The following MINDY4 variants were observed in gnomAD, a reference collection of about 807,000 sequenced individuals.
MINDY4 encodes the protein probable ubiquitin carboxyl-terminal hydrolase MINDY-4.
In MINDY4, 68 loss-of-function variants were observed where a neutral mutation model predicts 87.0. That is an observed-to-expected ratio of 0.78 (90% CI 0.64 to 0.96). The LOEUF is 0.96. MINDY4 is among the 40% of genes least tolerant of loss of function. The probability of loss-of-function intolerance (pLI) is 0.00; values close to 1 mark genes in which losing one functional copy is unlikely to be tolerated. For missense variants in MINDY4, 919 were observed against 928.2 expected, an observed-to-expected ratio of 0.99 and a Z score of 0.13; for synonymous variants, 379 against 363.2, an observed-to-expected ratio of 1.04 and a Z score of -0.50.
At chr7:30,858,814 G>A (rs1789659206) in intron 12 of MINDY4, 1 of 366,408 alleles carries the variant, frequency 2.7e-6, no homozygotes, top group Non-Finnish European at 5.4e-6. Flanking sequence ...GAGTCCCAGT[G>A]TGCTGCTGAC....
Position 30,853,417 on chromosome 7 carries a change from C to CT in MINDY4, c.1636dup (p.Tyr546LeufsTer2), listed in dbSNP as rs1789477667. ...AGCTTACGCTTCACAGTTTGACCTG[C>CT]TATGAGGACCTGGTGACTTTTCTTC... On this transcript the variant is annotated frameshift_variant, in exon 12 of 18. Transcript: ENST00000265299. LOFTEE classifies it high-confidence loss of function. The CT allele has an allele frequency of 6.2e-7, 1 of 1,613,724 alleles. No homozygotes were observed. Among genetic ancestry groups the CT allele is most frequent in the Non-Finnish European group, 8.5e-7 (1 of 1,179,838 alleles).
chr7:30,799,739 A>G (rs180833170), intron 5 of MINDY4, among the ~76,000 whole-genome samples: 1 of 152,334 alleles, frequency 6.6e-6, no homozygotes, highest in East Asian at 1.9e-4. Flanking sequence ...CATGCGTGTC[A>G]AGCTTTGGGA....
At chr7:30,773,308 A>G (rs541469419) in intron 1 of MINDY4, among the ~76,000 whole-genome samples, 62 of 152,314 alleles carry the variant, frequency 4.1e-4, no homozygotes, top group South Asian at 1.0e-3. Flanking sequence ...AAAGATAGGT[A>G]TAAGTATTCC....
intron 12 of MINDY4, chr7:30,858,926 T>A: frequency 1.8e-6 from 1 of 553,860 alleles, no homozygotes; most frequent in South Asian, 1.6e-5. Flanking sequence ...TGTTAGAGTG[T>A]TCGGGGTGAT....
rs565310591 is a variant in MINDY4 at position 30,883,408 on chromosome 7, C to T, written c.2225+415C>T. ...GAGGCCTGGCCCAGCCTGGGGGTGG[C>T]AGGAGGTGCTGCCTGGAGCGACACC... On this transcript the variant is annotated intron_variant, in intron 17 of 17. Transcript: ENST00000265299. Among the ~76,000 whole-genome samples, 3 of 152,222 alleles carry T rather than the reference C, an allele frequency of 2.0e-5. No individual in the cohort carries two copies. In the South Asian group the frequency reaches 6.2e-4, roughly 32 times the overall value.
intron 6 of MINDY4, among the ~76,000 whole-genome samples, chr7:30,835,685 C>T (rs1441980204): frequency 6.6e-6 from 1 of 152,184 alleles, no homozygotes; most frequent in African/African-American, 2.4e-5. Context: ...CCACCCCCGC[C>T]CACACAGGCC....
intron 15 of MINDY4, among the ~76,000 whole-genome samples, chr7:30,878,921 C>T (rs759333756): frequency 2.6e-5 from 4 of 152,228 alleles, no homozygotes; most frequent in Admixed American, 6.5e-5. Flanking sequence ...CCACCAGCAT[C>T]GCTGATTTTG....
intron 17 of MINDY4, among the ~76,000 whole-genome samples, chr7:30,889,807 A>G (rs1279167961): frequency 2.6e-5 from 4 of 152,334 alleles, no homozygotes; most frequent in South Asian, 4.1e-4. Flanking sequence ...GATGAACATG[A>G]AAGTGTTATC....
chr7:30,855,803 G>A (rs6968874), intron 12 of MINDY4, among the ~76,000 whole-genome samples: 1 of 152,202 alleles, frequency 6.6e-6, no homozygotes, highest in East Asian at 1.9e-4. Context: ...TCGCCTCCTC[G>A]CCTGGCTTTG....
intron 15 of MINDY4, 96 bp downstream of exon 15, chr7:30,875,752 A>T (rs779487885): frequency 7.3e-7 from 1 of 1,377,648 alleles, no homozygotes; most frequent in Non-Finnish European, 9.8e-7. Context: ...TCCACTTCTC[A>T]GAGCTGGCTG....
intron 5 of MINDY4, among the ~76,000 whole-genome samples, chr7:30,804,841 G>A (rs917251748): frequency 1.3e-5 from 2 of 152,144 alleles, no homozygotes; most frequent in South Asian, 2.1e-4. Flanking sequence ...ACTGTTGAGA[G>A]CTGGCATTAG....
intron 17 of MINDY4, among the ~76,000 whole-genome samples, chr7:30,887,175 C>G (rs1790657143): frequency 6.6e-6 from 1 of 152,198 alleles, no homozygotes; most frequent in Non-Finnish European, 1.5e-5. Context: ...AGCTTCCATG[C>G]TGACCATTTT....
Position 30,840,848 on chromosome 7 carries a change from A to C in MINDY4, c.1445A>C (p.Gln482Pro). The C allele has an allele frequency of 6.8e-6, 11 of 1,613,398 alleles. No homozygotes were observed. Among genetic ancestry groups the C allele is most frequent in the Non-Finnish European group, 9.3e-6 (11 of 1,179,408 alleles). The change falls in exon 9 of 18, where the codon CAG becomes CCG. Residue 482 changes from glutamine to proline, a missense_variant and splice_region_variant. By Grantham distance (76) the Gln-to-Pro change is moderately conservative (BLOSUM62 -1). Transcript: ENST00000265299. The part of the protein sequence containing the change: ...FEGDSKADCA[Q>P]GLQPSDAHRT... Reference sequence around the variant, plus strand: ...GGAGATAGCAAAGCCGACTGTGCTCAGTAAGTCAGTGCTCTTTCTGGCAAT... The same window carrying C: ...GGAGATAGCAAAGCCGACTGTGCTCCGTAAGTCAGTGCTCTTTCTGGCAAT...
At chr7:30,792,616 A>C (rs1239337167) in intron 5 of MINDY4, among the ~76,000 whole-genome samples, 1 of 152,146 alleles carries the variant, frequency 6.6e-6, no homozygotes, top group South Asian at 2.1e-4. Context: ...TGGCCACTTT[A>C]TATGTGTGTT....
intron 7 of MINDY4, among the ~76,000 whole-genome samples, chr7:30,838,012 G>A (rs550854691): frequency 6.6e-6 from 1 of 152,336 alleles, no homozygotes; most frequent in South Asian, 2.1e-4. Context: ...TAATGAGTCT[G>A]TAGGAAAGGT....
chr7:30,882,078 G>T, intron 15 of MINDY4, 103 bp from the exon 16 acceptor site: 1 of 1,134,616 alleles, frequency 8.8e-7, no homozygotes, highest in Non-Finnish European at 1.3e-6. Flanking sequence ...GTGATCTTCA[G>T]CAGGGCCTCT....
chr7:30,867,737 G>A (rs546101612), intron 13 of MINDY4, among the ~76,000 whole-genome samples: 3 of 152,352 alleles, frequency 2.0e-5, no homozygotes, highest in African/African-American at 7.2e-5. Flanking sequence ...GTTTCTGAGA[G>A]TGGCAAGCAG....
intron 5 of MINDY4, among the ~76,000 whole-genome samples, chr7:30,819,689 T>C (rs1185104141): frequency 6.6e-6 from 1 of 152,144 alleles, no homozygotes; most frequent in Non-Finnish European, 1.5e-5. Context: ...TCATGATGGC[T>C]ACATTTTTCT....
intron 5 of MINDY4, among the ~76,000 whole-genome samples, chr7:30,805,394 A>G (rs1035517851): frequency 5.3e-5 from 8 of 152,180 alleles, no homozygotes; most frequent in Non-Finnish European, 1.0e-4. Context: ...TCCACAGTCA[A>G]GAGTGGGGCA....
Sources: allele counts gnomAD v4.1 joint callset (sites outside exome capture counted in the v4.1 genomes callset), GRCh38; gene constraint gnomAD v4.1.1; transcripts MANE v1.5; gene names NCBI Gene and HGNC (gene_info 2026-07-23, HGNC 2026-07-21).